Variants in HIF1A observed in about 807,000 individuals in gnomAD.
The protein encoded by HIF1A is hypoxia-inducible factor 1-alpha.
In HIF1A, 24 loss-of-function variants were observed where a neutral mutation model predicts 92.7. The observed-to-expected ratio is 0.26, with a 90% CI of 0.19 to 0.36. The LOEUF is 0.36. HIF1A is among the 10% of genes least tolerant of loss of function. The pLI is 1.00. For synonymous variants in HIF1A, 319 were observed against 338.7 expected (o/e 0.94, Z 0.64); for missense variants, 799 against 998.5 (o/e 0.80, Z 2.69).
chr14:61,733,164 C>A (rs1326495910), intron 7 of HIF1A, among the ~76,000 whole-genome samples: 1 of 152,142 alleles, frequency 6.6e-6, no homozygotes, highest in African/African-American at 2.4e-5. Flanking sequence ...CAGCTCACTG[C>A]AACCCCCGCC....
At chr14:61,717,308 TAGCTTTA>T (rs879828534) in intron 1 of HIF1A, among the ~76,000 whole-genome samples, 13 of 152,210 alleles carry the variant, frequency 8.5e-5, no homozygotes, top group South Asian at 2.1e-4. Flanking sequence ...TCAGAAGCTT[TAGCTTTA>T]AGCTTTAAGC....
rs780573087 is a variant in HIF1A, at chr14:61,744,753, G to T, written c.2142G>T (p.Gln714His). The change falls in exon 13 of 15, where the codon CAG becomes CAT. Residue 714 changes from glutamine to histidine, a missense_variant. Gln to His is a conservative substitution (Grantham distance 24). This residue lies in a region of HIF1A where 283 missense variants were observed against 277.5 expected (regional missense o/e 1.02). Coordinates refer to ENST00000337138, the MANE Select transcript of HIF1A (RefSeq NM_001530.4). The stretch of plus-strand genomic sequence containing the variant: ...TAAATCCAAAGATACTAGCTTTGCA[G>T]AATGCTCAGAGAAAGCGAAAAATGG... ...EELNPKILALQNAQRKRKMEH... is the reference protein window; with the variant it reads ...EELNPKILALHNAQRKRKMEH... The T allele has an allele frequency of 6.2e-7, 1 of 1,603,048 alleles. No individual in the cohort carries two copies. The highest frequency in any genetic ancestry group is 1.1e-5 in the South Asian group (1 of 90,136).
At position 61,747,532 on chromosome 14, in the gene HIF1A, G is replaced by A. The variant is rs1401402955; in HGVS notation, c.*447G>A. ...AATAATAATGCTTTGCCAGCAGTAC[G>A]TGGTAGCCACAATTGCACAATATAT... On this transcript the variant is annotated 3_prime_UTR_variant, in exon 15 of 15. Transcript: ENST00000337138. The A allele has an allele frequency of 1.3e-5, 2 of 152,330 alleles. No individual in the cohort carries two copies. The highest frequency in any genetic ancestry group is 2.4e-5 in the African/African-American group (1 of 41,290). The allele number at this position is 152,330 out of a possible 1,614,324, so 9.4% of individuals were successfully genotyped here. A position where few individuals can be genotyped will look rare whatever the true frequency, so the allele number is the denominator to read the frequency against.
chr14:61,708,935 T>G (rs754408865), intron 1 of HIF1A, among the ~76,000 whole-genome samples: 2 of 151,970 alleles, frequency 1.3e-5, no homozygotes, highest in Non-Finnish European at 2.9e-5. Context: ...TTTGCTCTTG[T>G]TGCCCAGGCT....
intron 8 of HIF1A, among the ~76,000 whole-genome samples, chr14:61,735,529 C>T (rs1456255779): frequency 1.3e-5 from 2 of 152,136 alleles, no homozygotes; most frequent in Non-Finnish European, 2.9e-5. Flanking sequence ...TAGCAGTTAT[C>T]ACAGTGTATT....
At chr14:61,699,976 A>G (rs761449287) in intron 1 of HIF1A, among the ~76,000 whole-genome samples, 1 of 152,148 alleles carries the variant, frequency 6.6e-6, no homozygotes, top group African/African-American at 2.4e-5. Flanking sequence ...ATTAATGTTC[A>G]TGTTTTCTGC....
At chr14:61,708,676 T>A (rs1462050926) in intron 1 of HIF1A, among the ~76,000 whole-genome samples, 1 of 152,168 alleles carries the variant, frequency 6.6e-6, no homozygotes, top group Non-Finnish European at 1.5e-5. Context: ...TCTGTTTTGG[T>A]ACCAGTACCA....
At chr14:61,696,183 T>G (rs1355568327) in intron 1 of HIF1A, among the ~76,000 whole-genome samples, 1 of 152,230 alleles carries the variant, frequency 6.6e-6, no homozygotes, top group South Asian at 2.1e-4. Flanking sequence ...GAGGGGACTT[T>G]ACCCAGCCTG....
At chr14:61,735,257 T>C (rs965794261) in intron 8 of HIF1A, among the ~76,000 whole-genome samples, 1 of 152,230 alleles carries the variant, frequency 6.6e-6, no homozygotes, top group Non-Finnish European at 1.5e-5. Context: ...TACTCACGCA[T>C]TAGAGATTTA....
intron 1 of HIF1A, among the ~76,000 whole-genome samples, chr14:61,711,047 C>A (rs1199232408): frequency 4.6e-4 from 52 of 113,442 alleles, no homozygotes; most frequent in African/African-American, 1.6e-3. Context: ...GACTCTGTCT[C>A]AAAAAAAAAA....
intron 11 of HIF1A, 52 bp downstream of exon 11, chr14:61,740,679 G>A (rs1594886431): frequency 1.3e-6 from 2 of 1,543,674 alleles, no homozygotes; most frequent in East Asian, 2.2e-5. Flanking sequence ...TTAGTCTGAA[G>A]TGACTTTGAG....
At chr14:61,744,886 TGTG>T in intron 13 of HIF1A, 73 bp downstream of exon 13, 2 of 646,502 alleles carry the variant, frequency 3.1e-6, no homozygotes, top group South Asian at 2.1e-5. Context: ...TGTGTGTGTG[TGTG>T]TGTGTTTCCA....
At position 61,695,841 on chromosome 14, in the gene HIF1A, T is replaced by C; in HGVS notation, c.35+2T>C. ...CGGCGGCGCGAACGACAAGAAAAAG[T>C]AAGCCCATTCCCTCGGCCCGCCGCC... On this transcript the variant is annotated splice_donor_variant, in intron 1 of 14. Coordinates refer to ENST00000337138, the MANE Select transcript of HIF1A (RefSeq NM_001530.4). LOFTEE classifies it high-confidence loss of function. 6.3e-7 allele frequency: 1 copy of C among 1,586,390 alleles called. No individual in the cohort carries two copies. The highest frequency in any genetic ancestry group is 8.6e-7 in the Non-Finnish European group (1 of 1,167,598).
rs764413003 is a variant in HIF1A at position 61,727,539 on chromosome 14, C to T, written c.657C>T (p.Cys219=). 1 of 1,613,290 alleles carries T rather than the reference C, an allele frequency of 6.2e-7. No individual in the cohort carries two copies. The highest frequency in any genetic ancestry group is 1.1e-5 in the South Asian group (1 of 91,066). The change falls in exon 6 of 15, where the codon TGC becomes TGT. Residue 219 remains cysteine, a synonymous_variant. Coordinates refer to ENST00000337138, the MANE Select transcript of HIF1A (RefSeq NM_001530.4). The part of the protein sequence containing the change: ...QCGYKKPPMT[C]LVLICEPIPH... The stretch of plus-strand genomic sequence containing the variant: ...GGTATAAGAAACCACCTATGACCTG[C>T]TTGGTGCTGATTTGTGAACCCATTC...
At chr14:61,735,022 A>G (rs1420476007) in intron 8 of HIF1A, among the ~76,000 whole-genome samples, 1 of 152,208 alleles carries the variant, frequency 6.6e-6, no homozygotes, top group Admixed American at 6.5e-5. Flanking sequence ...TATTATGTAC[A>G]TCAAAATTTA....
chr14:61,734,462 C>T (rs1299534951), intron 8 of HIF1A, among the ~76,000 whole-genome samples, 177 bp downstream of exon 8: 1 of 152,132 alleles, frequency 6.6e-6, no homozygotes, highest in East Asian at 1.9e-4. Flanking sequence ...AGCTATTCCA[C>T]AGTGATGCTG....
intron 1 of HIF1A, among the ~76,000 whole-genome samples, chr14:61,718,284 TGA>T: frequency 6.6e-6 from 1 of 152,228 alleles, no homozygotes; most frequent in Non-Finnish European, 1.5e-5. Context: ...ACGCCTGGAA[TGA>T]TTGTGGCATT....
In HIF1A at chr14:61,720,451, A is replaced by G. The variant is rs768001409; in HGVS notation, c.105A>G (p.Glu35=). 6.2e-7 allele frequency: 1 copy of G among 1,613,856 alleles called. No homozygotes were observed. The highest frequency in any genetic ancestry group is 8.5e-7 in the Non-Finnish European group (1 of 1,179,924). The change falls in exon 2 of 15, where the codon GAA becomes GAG. Residue 35 remains glutamate (E), a synonymous_variant. Coordinates refer to ENST00000337138, the MANE Select transcript of HIF1A (RefSeq NM_001530.4). ...GATCTCGGCGAAGTAAAGAATCTGA[A>G]GTTTTTTATGAGCTTGCTCATCAGT... The part of the protein sequence containing the change: ...AARSRRSKES[E]VFYELAHQLP...
At chr14:61,711,452 A>G (rs1174218975) in intron 1 of HIF1A, among the ~76,000 whole-genome samples, 1 of 152,200 alleles carries the variant, frequency 6.6e-6, no homozygotes, top group Admixed American at 6.5e-5. Flanking sequence ...AGTAAAAGAC[A>G]TGAGTGTAGA....
Sources: gnomAD v4.1 joint callset for allele counts (sites outside exome capture counted in the v4.1 genomes callset) on GRCh38, gnomAD v4.1.1 for gene constraint, gnomAD v4.1.1 regional missense constraint, MANE v1.5 for transcripts, NCBI Gene and HGNC (gene_info 2026-07-23, HGNC 2026-07-21) for gene names.